Variants in METTL14 observed in about 807,000 individuals in gnomAD.
METTL14 encodes methyltransferase 14, N6-adenosine-methyltransferase non-catalytic subunit, also known as N(6)-adenosine-methyltransferase non-catalytic subunit METTL14.
In METTL14, 32 loss-of-function variants were observed where a neutral mutation model predicts 62.4. That is an observed-to-expected ratio of 0.51 (90% CI 0.39 to 0.69). METTL14 has a LOEUF of 0.69. Ranked by LOEUF, METTL14 falls within the 30% of genes least tolerant of loss-of-function variation. The pLI is 0.00. For missense variants in METTL14, 340 were observed against 551.9 expected (o/e 0.62, Z 3.85); for synonymous variants, 150 against 180.0 (o/e 0.83, Z 1.34).
chr4:118,686,614 C>T (rs1204333643), intron 1 of METTL14: 3 of 456,082 alleles, frequency 6.6e-6, no homozygotes, highest in East Asian at 1.4e-4. Context: ...TTCCTTATCC[C>T]GCTGGCATTA....
chr4:118,702,118 C>CTTT (rs70944803), intron 8 of METTL14, among the ~76,000 whole-genome samples: 1 of 128,668 alleles, frequency 7.8e-6, no homozygotes, highest in Non-Finnish European at 1.7e-5. Context: ...AGGTTTTTAT[C>CTTT]TTTTTTTTTT....
chr4:118,707,947 C>T (rs1204951120), intron 10 of METTL14, among the ~76,000 whole-genome samples: 1 of 151,672 alleles, frequency 6.6e-6, no homozygotes, highest in Admixed American at 6.6e-5. Flanking sequence ...GATTCAGCCT[C>T]CTGAGTAGCT....
In METTL14 at chr4:118,712,940, A is replaced by C. The variant is rs1189087254; in HGVS notation, c.*2638A>C. The C allele has an allele frequency of 2.0e-5, 3 of 152,208 alleles. No individual in the cohort carries two copies. The highest frequency in any genetic ancestry group is 4.4e-5 in the Non-Finnish European group (3 of 68,036). The allele number at this position is 152,208 out of a possible 1,614,324, so 9.4% of individuals were successfully genotyped here. Reference sequence around the variant, plus strand: ...AAGAGGGCAGGTAGTTGATGATGTCAGGAGAACAGATTTTATGGTGTGGAA... The same window carrying C: ...AAGAGGGCAGGTAGTTGATGATGTCCGGAGAACAGATTTTATGGTGTGGAA... On this transcript the variant is annotated 3_prime_UTR_variant, in exon 11 of 11. Transcript: ENST00000388822.
At chr4:118,686,247 A>C (rs1423931545) in intron 1 of METTL14, among the ~76,000 whole-genome samples, 6 of 152,228 alleles carry the variant, frequency 3.9e-5, no homozygotes, top group Non-Finnish European at 8.8e-5. Flanking sequence ...TCTGCTGGGA[A>C]ATAGAACCTA....
At chr4:118,708,627 T>C (rs1481786457) in intron 10 of METTL14, among the ~76,000 whole-genome samples, 1 of 152,254 alleles carries the variant, frequency 6.6e-6, no homozygotes, top group East Asian at 1.9e-4. Context: ...CTAAGTATTG[T>C]ACAGAAATGG....
At chr4:118,698,881 T>A (rs1319186152) in intron 7 of METTL14, among the ~76,000 whole-genome samples, 1 of 152,176 alleles carries the variant, frequency 6.6e-6, no homozygotes. Context: ...ATAAAATCCA[T>A]GTAAATAGAT....
chr4:118,696,227 G>A (rs899421659), intron 6 of METTL14, among the ~76,000 whole-genome samples: 22 of 149,336 alleles, frequency 1.5e-4, no homozygotes, highest in African/African-American at 4.7e-4. Flanking sequence ...AATATTCATC[G>A]TATTTTAAAA....
At chr4:118,689,533 A>T in intron 3 of METTL14, 76 bp downstream of exon 3, 1 of 772,282 alleles carries the variant, frequency 1.3e-6, no homozygotes, top group Non-Finnish European at 2.1e-6. Context: ...CAGGAAAACA[A>T]ATTTGATGGA....
chr4:118,705,099 G>A (rs990460850), intron 9 of METTL14, among the ~76,000 whole-genome samples: 4 of 152,164 alleles, frequency 2.6e-5, no homozygotes, highest in Non-Finnish European at 5.9e-5. Context: ...TTGTGAGTGC[G>A]TAGAAGAGTT....
At chr4:118,686,333 G>A (rs1724057987) in intron 1 of METTL14, among the ~76,000 whole-genome samples, 1 of 152,206 alleles carries the variant, frequency 6.6e-6, no homozygotes, top group African/African-American at 2.4e-5. Context: ...GTTAACATTT[G>A]CTGATTAGTA....
intron 3 of METTL14, among the ~76,000 whole-genome samples, chr4:118,690,830 G>GGAT (rs1724223868): frequency 6.6e-6 from 1 of 152,056 alleles, no homozygotes; most frequent in Non-Finnish European, 1.5e-5. Context: ...GATATTTTTA[G>GGAT]GATTTATGGC....
chr4:118,696,582 T>A (rs897316231), intron 6 of METTL14, among the ~76,000 whole-genome samples: 2 of 152,286 alleles, frequency 1.3e-5, no homozygotes, highest in African/African-American at 4.8e-5. Flanking sequence ...CCATTTACAT[T>A]TAAAGTATTT....
chr4:118,687,312 C>T (rs1312597011), intron 1 of METTL14, among the ~76,000 whole-genome samples: 1 of 152,136 alleles, frequency 6.6e-6, no homozygotes. Flanking sequence ...AATGTCATGT[C>T]AGTACTCAAA....
intron 10 of METTL14, 69 bp downstream of exon 10, chr4:118,705,890 G>A: frequency 1.6e-6 from 2 of 1,216,480 alleles, no homozygotes; most frequent in Non-Finnish European, 2.4e-6. Flanking sequence ...AGGACATGGT[G>A]CTGTGTAAAA....
At chr4:118,695,960 A>C (rs961694918) in intron 6 of METTL14, among the ~76,000 whole-genome samples, 7 of 151,602 alleles carry the variant, frequency 4.6e-5, no homozygotes, top group African/African-American at 1.7e-4. Context: ...AAATACAAAA[A>C]TTAGCTGGGT....
chr4:118,695,331 C>T (rs989276321), intron 6 of METTL14, among the ~76,000 whole-genome samples: 1 of 151,360 alleles, frequency 6.6e-6, no homozygotes, highest in African/African-American at 2.4e-5. Flanking sequence ...GGTGGATCAC[C>T]TGAGGTCAGG....
intron 1 of METTL14, 125 bp from the exon 2 acceptor site, chr4:118,687,798 T>C (rs1348119955): frequency 4.5e-6 from 3 of 659,654 alleles, no homozygotes; most frequent in Non-Finnish European, 8.0e-6. Context: ...TTTGTGTGTG[T>C]GTGTGTGTGT....
At chr4:118,699,010 A>T (rs1327766688) in intron 7 of METTL14, among the ~76,000 whole-genome samples, 3 of 152,192 alleles carry the variant, frequency 2.0e-5, no homozygotes, top group African/African-American at 7.2e-5. Flanking sequence ...TTCAGTGATG[A>T]ATGAAGAGAA....
At position 118,689,241 on chromosome 4, in the gene METTL14, C is replaced by T. The variant is rs181646257; in HGVS notation, c.156-129C>T. On this transcript the variant is annotated intron_variant, in intron 2 of 10. Coordinates refer to ENST00000388822, the MANE Select transcript of METTL14 (RefSeq NM_020961.4). ...GACTTTTTGGATGACTTATAAACTGCGTAGATAGATATTCTTTAATCAGGA... is the reference window on the plus strand; with the variant it reads ...GACTTTTTGGATGACTTATAAACTGTGTAGATAGATATTCTTTAATCAGGA... The T allele has an allele frequency of 5.6e-4, 273 of 491,576 alleles. 3 individuals are homozygous for T. The South Asian group carries it at 6.3e-3, about 11-fold the overall frequency. The allele number at this position is 491,576 out of a possible 1,614,324, so 30.5% of individuals were successfully genotyped here.
Sources: allele counts gnomAD v4.1 joint callset (sites outside exome capture counted in the v4.1 genomes callset), GRCh38; gene constraint gnomAD v4.1.1; transcripts MANE v1.5; gene names NCBI Gene and HGNC (gene_info 2026-07-23, HGNC 2026-07-21).